MYO18B: variants seen among roughly 807,000 people sequenced by gnomAD.
The protein encoded by MYO18B is myosin XVIIIB, also known as unconventional myosin-XVIIIb.
A neutral mutation model predicts 273.0 loss-of-function variants in MYO18B; 204 were observed. The observed-to-expected ratio is 0.75, with a 90% CI of 0.67 to 0.84. The LOEUF (loss-of-function observed/expected upper bound fraction) is 0.84. MYO18B is among the 40% of genes least tolerant of loss of function. MYO18B has a pLI of 0.00. For missense variants in MYO18B, 3,212 were observed against 3,287.6 expected (o/e 0.98, Z 0.56); for synonymous variants, 1,330 against 1,305.7 (o/e 1.02, Z -0.40).
chr22:25,752,871 G>T (rs188589526), intron 1 of MYO18B, among the ~76,000 whole-genome samples: 1 of 152,194 alleles, frequency 6.6e-6, no homozygotes, highest in Non-Finnish European at 1.5e-5. Context: ...GCGAGTTCCG[G>T]GTGGTCGGAG....
At chr22:25,782,996 C>T (rs1397226646) in intron 10 of MYO18B, among the ~76,000 whole-genome samples, 3 of 152,202 alleles carry the variant, frequency 2.0e-5, no homozygotes, top group African/African-American at 2.4e-5. Context: ...AATGACTTCA[C>T]CTCTCTGAGC....
intron 7 of MYO18B, among the ~76,000 whole-genome samples, chr22:25,772,830 TCA>T (rs2145611705): frequency 1.3e-5 from 2 of 152,320 alleles, no homozygotes; most frequent in Admixed American, 1.3e-4. Context: ...CAGTTGAGTC[TCA>T]CATATCCACC....
At chr22:25,854,770 G>A (rs1302531831) in intron 21 of MYO18B, among the ~76,000 whole-genome samples, 1 of 152,152 alleles carries the variant, frequency 6.6e-6, no homozygotes, top group African/African-American at 2.4e-5. Flanking sequence ...TGCCACATAT[G>A]TCCTTTCATG....
chr22:25,768,703 A>G lies in MYO18B; in HGVS notation c.787A>G (p.Arg263Gly). 2 of 1,574,328 alleles carry G rather than the reference A, an allele frequency of 1.3e-6. No individual in the cohort carries two copies. Among genetic ancestry groups the G allele is most frequent in the Non-Finnish European group, 1.7e-6 (2 of 1,162,080 alleles). The change falls in exon 4 of 44, where the codon AGG (arginine) becomes GGG (glycine). Residue 263 changes from arginine to glycine, a missense_variant. By Grantham distance (125) the Arg-to-Gly change is moderately radical. Transcript: ENST00000335473. Reference sequence around the variant, plus strand: ...AGAGGCTGAGCCCCAGGGCAAAGACAGGCAGGGGACCAGGCCCCAAGCCCA... The same window carrying G: ...AGAGGCTGAGCCCCAGGGCAAAGACGGGCAGGGGACCAGGCCCCAAGCCCA... ...LKEAEPQGKDRQGTRPQAQGP... is the reference protein window; with the variant it reads ...LKEAEPQGKDGQGTRPQAQGP...
intron 39 of MYO18B, among the ~76,000 whole-genome samples, chr22:25,972,258 G>A (rs1448298202): frequency 6.6e-6 from 1 of 152,022 alleles, no homozygotes; most frequent in East Asian, 1.9e-4. Context: ...ACCCCGATTT[G>A]TGATTCTGTG....
chr22:25,885,499 C>T (rs1042693719), intron 25 of MYO18B, among the ~76,000 whole-genome samples: 2 of 151,956 alleles, frequency 1.3e-5, no homozygotes, highest in African/African-American at 4.8e-5. Context: ...AGAGCAGAGG[C>T]GGAGAGCAGA....
At chr22:25,792,544 G>T (rs2087725049) in intron 11 of MYO18B, among the ~76,000 whole-genome samples, 1 of 131,842 alleles carries the variant, frequency 7.6e-6, no homozygotes, top group South Asian at 2.5e-4. Flanking sequence ...GCCCAGGCTG[G>T]AGTGCAATGG....
chr22:25,914,134 C>T (rs1439352153), intron 33 of MYO18B, among the ~76,000 whole-genome samples: 1 of 152,018 alleles, frequency 6.6e-6, no homozygotes, highest in Non-Finnish European at 1.5e-5. Context: ...CTCATTGTGG[C>T]TCATTGGGTT....
intron 9 of MYO18B, among the ~76,000 whole-genome samples, chr22:25,781,470 C>A (rs551779069): frequency 2.6e-5 from 4 of 151,980 alleles, no homozygotes; most frequent in Admixed American, 6.6e-5. Flanking sequence ...ATTAGCCGGG[C>A]GTGGTGGTGG....
intron 22 of MYO18B, 143 bp downstream of exon 22, chr22:25,868,528 C>G: frequency 1.5e-6 from 1 of 672,016 alleles, no homozygotes. Flanking sequence ...GATTTTCTGC[C>G]CTGCCTATCT....
At chr22:25,992,342 G>C (rs370666097) in intron 39 of MYO18B, 21 bp from the exon 40 acceptor site, 59 of 1,612,740 alleles carry the variant, frequency 3.7e-5, no homozygotes, top group Non-Finnish European at 4.9e-5. Flanking sequence ...GCCAACGTGT[G>C]TTTGCATCTT....
the MYO18B span, among the ~76,000 whole-genome samples, chr22:26,058,000 T>C: frequency 4.6e-5 from 7 of 152,264 alleles, no homozygotes; most frequent in East Asian, 1.2e-3. Context: ...TGTGGCTCCA[T>C]GCAGGCACTC....
intron 1 of MYO18B, among the ~76,000 whole-genome samples, chr22:25,752,552 C>A (rs1265049331): frequency 1.3e-5 from 2 of 152,198 alleles, no homozygotes; most frequent in African/African-American, 4.8e-5. Flanking sequence ...GTGGCGTGAT[C>A]ACAGCTCACT....
At chr22:25,874,151 C>A in intron 22 of MYO18B, 135 bp from the exon 23 acceptor site, 1 of 1,031,624 alleles carries the variant, frequency 9.7e-7, no homozygotes. Flanking sequence ...ACTCCCCCAC[C>A]TCCCACTTAA....
chr22:25,827,852 C>T (rs1254593701), intron 14 of MYO18B, among the ~76,000 whole-genome samples: 3 of 152,170 alleles, frequency 2.0e-5, no homozygotes, highest in African/African-American at 4.8e-5. Flanking sequence ...TGTGAAATGC[C>T]GCATGGATGA....
intron 32 of MYO18B, 93 bp downstream of exon 32, chr22:25,908,525 G>A (rs1029257841): frequency 6.6e-5 from 68 of 1,027,274 alleles, no homozygotes; most frequent in Non-Finnish European, 9.5e-5. Flanking sequence ...GACAGGGTCT[G>A]GGATCTGGGG....
chr22:25,812,785 G>C (rs567381916), intron 12 of MYO18B, among the ~76,000 whole-genome samples: 1 of 152,304 alleles, frequency 6.6e-6, no homozygotes, highest in South Asian at 2.1e-4. Flanking sequence ...AAAGGGACTT[G>C]GACTGCAGTC....
chr22:25,989,063 A>G (rs1420865187), intron 39 of MYO18B, among the ~76,000 whole-genome samples: 2 of 151,552 alleles, frequency 1.3e-5, no homozygotes, highest in Non-Finnish European at 2.9e-5. Flanking sequence ...TCTCTCCTCT[A>G]CCCTCCAGGA....
chr22:25,793,143 T>G (rs1395985438), intron 11 of MYO18B, among the ~76,000 whole-genome samples: 1 of 152,232 alleles, frequency 6.6e-6, no homozygotes, highest in Non-Finnish European at 1.5e-5. Context: ...AGTACCACTG[T>G]GTGCTGGCCT....
Sources: gnomAD v4.1 joint callset for allele counts (sites outside exome capture counted in the v4.1 genomes callset) on GRCh38, gnomAD v4.1.1 for gene constraint, MANE v1.5 for transcripts, NCBI Gene and HGNC (gene_info 2026-07-23, HGNC 2026-07-21) for gene names.